The following LUZP2 variants were observed in gnomAD, a reference collection of about 807,000 sequenced individuals.
LUZP2 encodes the protein leucine zipper protein 2.
Under a neutral mutation model 51.6 loss-of-function variants are expected in LUZP2, and 52 were observed. The ratio of observed to expected loss-of-function variants is 1.01; its 90% CI spans 0.81 to 1.27. The LOEUF (loss-of-function observed/expected upper bound fraction) is 1.27. Among genes scored for constraint, LUZP2 ranks in the 50% most tolerant of loss-of-function variants. The pLI is 0.00. For missense variants in LUZP2, 436 were observed against 395.4 expected (o/e 1.10, Z -0.87); for synonymous variants, 154 against 137.3 (o/e 1.12, Z -0.85).
Position 24,954,782 on chromosome 11 carries a change from C to T in LUZP2, c.523-21809C>T, listed in dbSNP as rs112372842. 5.1e-3 allele frequency among the ~76,000 whole-genome samples: 778 copies of T among 152,032 alleles called. 11 individuals are homozygous for T. The highest frequency in any genetic ancestry group is 0.027 in the Middle Eastern group (8 of 294). ...ATTTTATATTTTGAATATCACAATG[C>T]GTGAAAGTACTAGGAAGAAAAATAT... On this transcript the variant is annotated intron_variant, in intron 7 of 11. Transcript: ENST00000336930.
At chr11:25,006,997 G>A (rs1422335392) in intron 9 of LUZP2, among the ~76,000 whole-genome samples, 4 of 152,076 alleles carry the variant, frequency 2.6e-5, no homozygotes, top group African/African-American at 9.7e-5. Flanking sequence ...AGTGCTGATT[G>A]GTCTATTTTA....
At chr11:24,781,847 T>C (rs967491060) in intron 5 of LUZP2, among the ~76,000 whole-genome samples, 45 of 152,180 alleles carry the variant, frequency 3.0e-4, no homozygotes, top group African/African-American at 1.1e-3. Context: ...CCCCATGATT[T>C]TGAAACTTTA....
intron 1 of LUZP2, among the ~76,000 whole-genome samples, chr11:24,543,851 A>C (rs1851457335): frequency 7.1e-6 from 1 of 141,356 alleles, no homozygotes; most frequent in African/African-American, 2.5e-5. Context: ...AAAAAGATGG[A>C]TCAAGGGACT....
rs552346164 is a variant in LUZP2 at position 24,998,406 on chromosome 11, A to G, written c.765+15113A>G. Among the ~76,000 whole-genome samples, 501 of 152,164 alleles carry G rather than the reference A, an allele frequency of 3.3e-3. 6 individuals carry two copies. Among genetic ancestry groups the G allele is most frequent in the African/African-American group, 0.011 (459 of 41,528 alleles). On this transcript the variant is annotated intron_variant, in intron 9 of 11. Coordinates refer to ENST00000336930, the MANE Select transcript of LUZP2 (RefSeq NM_001009909.4). ...AATTGTGAATGGGAGTTCACTCATG[A>G]TTTGGCTCTCTGTTTGTCTGTTATT...
intron 4 of LUZP2, among the ~76,000 whole-genome samples, chr11:24,752,391 G>A (rs184511856): frequency 1.2e-4 from 19 of 152,214 alleles, no homozygotes; most frequent in Admixed American, 3.3e-4. Flanking sequence ...GTTAAAGCAC[G>A]TAAAGCATGG....
At chr11:25,022,009 T>C (rs1857347592) in intron 9 of LUZP2, among the ~76,000 whole-genome samples, 1 of 152,068 alleles carries the variant, frequency 6.6e-6, no homozygotes, top group African/African-American at 2.4e-5. Context: ...TTCTTTTGGT[T>C]CATTAAGGTT....
chr11:24,651,109 G>A (rs181160655), intron 1 of LUZP2, among the ~76,000 whole-genome samples: 1 of 151,978 alleles, frequency 6.6e-6, no homozygotes, highest in East Asian at 1.9e-4. Flanking sequence ...ACAATTCCAA[G>A]TTTATAAGCC....
At chr11:25,051,578 GC>G (rs1477378427) in intron 10 of LUZP2, among the ~76,000 whole-genome samples, 1 of 152,154 alleles carries the variant, frequency 6.6e-6, no homozygotes, top group East Asian at 1.9e-4. Context: ...CAGCAGTATG[GC>G]TAAAAAACAG....
At chr11:24,726,909 G>T (rs764410026) in intron 1 of LUZP2, among the ~76,000 whole-genome samples, 2 of 151,998 alleles carry the variant, frequency 1.3e-5, no homozygotes, top group African/African-American at 2.4e-5. Context: ...GGTTACTTCC[G>T]CAGTGTAATT....
At chr11:25,040,775 C>T (rs557965880) in intron 9 of LUZP2, among the ~76,000 whole-genome samples, 1 of 152,280 alleles carries the variant, frequency 6.6e-6, no homozygotes, top group Non-Finnish European at 1.5e-5. Flanking sequence ...TTGATGATCT[C>T]ATTTTTGTCA....
chr11:24,546,232 G>A (rs949047729), intron 1 of LUZP2, among the ~76,000 whole-genome samples: 1 of 152,062 alleles, frequency 6.6e-6, no homozygotes, highest in Non-Finnish European at 1.5e-5. Flanking sequence ...TACAAATAAG[G>A]ATAGTTTGAC....
At chr11:24,712,656 AT>A (rs542815177) in intron 1 of LUZP2, among the ~76,000 whole-genome samples, 2 of 151,988 alleles carry the variant, frequency 1.3e-5, no homozygotes, top group African/African-American at 4.8e-5. Flanking sequence ...ACTTAGCAAG[AT>A]TTTTTTTATG....
chr11:24,659,697 T>A (rs906801933), intron 1 of LUZP2, among the ~76,000 whole-genome samples: 4 of 152,056 alleles, frequency 2.6e-5, no homozygotes, highest in African/African-American at 9.7e-5. Context: ...ATGAAAAAAA[T>A]TGATTTATTG....
Position 24,665,330 on chromosome 11 carries a change from T to C in LUZP2, c.63-63839T>C, listed in dbSNP as rs79776840. ...CGTACCTAGAAAGTAACTAACTTGC[T>C]TTTGATTTTACAGGCTCATAGGTCT... On this transcript the variant is annotated intron_variant, in intron 1 of 11. Transcript: ENST00000336930. 1.0e-3 allele frequency among the ~76,000 whole-genome samples: 159 copies of C among 152,292 alleles called. 5 individuals are homozygous for C. The East Asian group carries it at 0.027, about 26-fold the overall frequency.
chr11:24,982,263 C>T (rs1181966857), intron 8 of LUZP2, among the ~76,000 whole-genome samples: 2 of 151,754 alleles, frequency 1.3e-5, no homozygotes, highest in Non-Finnish European at 2.9e-5. Context: ...ACTGGGTATA[C>T]ACCAAGAGGA....
At chr11:24,846,375 T>C (rs1274272517) in intron 5 of LUZP2, among the ~76,000 whole-genome samples, 1 of 151,748 alleles carries the variant, frequency 6.6e-6, no homozygotes, top group Non-Finnish European at 1.5e-5. Flanking sequence ...CTAAAAAATT[T>C]TGAAAACGAG....
At chr11:24,763,942 C>A (rs1860084523) in intron 5 of LUZP2, among the ~76,000 whole-genome samples, 1 of 152,134 alleles carries the variant, frequency 6.6e-6, no homozygotes, top group South Asian at 2.1e-4. Flanking sequence ...GATAAGTCTT[C>A]CTTGATCAAT....
intron 3 of LUZP2, among the ~76,000 whole-genome samples, chr11:24,736,923 A>T (rs550985451): frequency 6.6e-6 from 1 of 152,148 alleles, no homozygotes; most frequent in East Asian, 1.9e-4. Flanking sequence ...TTCTCACTAT[A>T]TTTTGATTTG....
intron 9 of LUZP2, among the ~76,000 whole-genome samples, chr11:25,031,620 C>T (rs1857689612): frequency 6.6e-6 from 1 of 151,990 alleles, no homozygotes; most frequent in South Asian, 2.1e-4. Context: ...CAATTTGTGT[C>T]CCTCTCTTTA....
Sources: gnomAD v4.1 joint callset for allele counts (sites outside exome capture counted in the v4.1 genomes callset) on GRCh38, gnomAD v4.1.1 for gene constraint, MANE v1.5 for transcripts, NCBI Gene and HGNC (gene_info 2026-07-23, HGNC 2026-07-21) for gene names.